FAM184A: variants seen among roughly 807,000 people sequenced by gnomAD.
FAM184A encodes protein FAM184A.
A neutral mutation model predicts 143.8 loss-of-function variants in FAM184A; 99 were observed. That is an observed-to-expected ratio of 0.69 (90% CI 0.58 to 0.81). The LOEUF (loss-of-function observed/expected upper bound fraction) is 0.81. Among genes scored for constraint, FAM184A ranks in the 40% least tolerant of loss-of-function variants. The pLI, the probability that FAM184A is intolerant of heterozygous loss-of-function variation, is 0.00. For synonymous variants in FAM184A, 427 were observed against 446.4 expected (o/e 0.96, Z 0.55); for missense variants, 1,217 against 1,310.5 (o/e 0.93, Z 1.10).
chr6:119,027,330 C>CT (rs1231332516), intron 1 of FAM184A, among the ~76,000 whole-genome samples: 7 of 152,202 alleles, frequency 4.6e-5, no homozygotes, highest in African/African-American at 1.7e-4. Flanking sequence ...AGACCATGGT[C>CT]TTTAAGTTTG....
At chr6:118,980,482 T>C (rs1371900429) in intron 9 of FAM184A, 132 bp from the exon 10 acceptor site, 3 of 636,538 alleles carry the variant, frequency 4.7e-6, no homozygotes, top group African/African-American at 1.8e-5. Flanking sequence ...CCATTTAAAA[T>C]ATTCTAAAAT....
chr6:119,084,250 G>C (rs1788154836), intron 1 of FAM184A, among the ~76,000 whole-genome samples: 1 of 152,208 alleles, frequency 6.6e-6, no homozygotes, highest in Non-Finnish European at 1.5e-5. Context: ...TACAATTCAA[G>C]ATGAGATTTG....
At chr6:118,963,706 TTTTA>T (rs1783404962) in intron 16 of FAM184A, 1 of 152,010 alleles carries the variant, frequency 6.6e-6, no homozygotes, top group East Asian at 1.9e-4. Context: ...GAACTATCAC[TTTTA>T]TTTATTCTAC....
chr6:119,092,081 G>A (rs1788383206), intron 1 of FAM184A, among the ~76,000 whole-genome samples: 1 of 152,178 alleles, frequency 6.6e-6, no homozygotes, highest in African/African-American at 2.4e-5. Context: ...GCATGAAGAT[G>A]TGCATGTTCA....
At chr6:119,042,078 G>A (rs1786357548) in intron 1 of FAM184A, among the ~76,000 whole-genome samples, 1 of 152,080 alleles carries the variant, frequency 6.6e-6, no homozygotes, top group Non-Finnish European at 1.5e-5. Flanking sequence ...GTTAAGCCCG[G>A]AACCCAGAAC....
chr6:119,051,385 G>A (rs1035267015), intron 1 of FAM184A, among the ~76,000 whole-genome samples: 1 of 152,166 alleles, frequency 6.6e-6, no homozygotes, highest in African/African-American at 2.4e-5. Context: ...CTAGAGGCTG[G>A]AGAGGGTAGT....
chr6:119,038,948 TTACA>T (rs2114723204), intron 1 of FAM184A, among the ~76,000 whole-genome samples: 1 of 152,176 alleles, frequency 6.6e-6, no homozygotes, highest in East Asian at 1.9e-4. Flanking sequence ...CAAAGAACAC[TTACA>T]ACTCAACAAT....
intron 1 of FAM184A, among the ~76,000 whole-genome samples, chr6:119,101,414 AG>A (rs1408602393): frequency 6.6e-6 from 1 of 152,122 alleles, no homozygotes; most frequent in Non-Finnish European, 1.5e-5. Context: ...ATCTCAAAAC[AG>A]TCCTTGAGAT....
chr6:119,004,388 A>T (rs1355589835), intron 7 of FAM184A, among the ~76,000 whole-genome samples: 1 of 152,220 alleles, frequency 6.6e-6, no homozygotes, highest in East Asian at 1.9e-4. Flanking sequence ...GGGTATACCC[A>T]GATTAATGAG....
intron 1 of FAM184A, among the ~76,000 whole-genome samples, chr6:119,126,191 G>A (rs776943284): frequency 1.8e-4 from 27 of 152,200 alleles, no homozygotes; most frequent in Non-Finnish European, 3.5e-4. Context: ...GTTGCTCTCA[G>A]CTTCTGTGGG....
rs1022342093 is a variant in FAM184A, at chr6:119,121,508, G to A, written c.-202+27570C>T. On this transcript the variant is annotated intron_variant, in intron 1 of 16. Coordinates refer to the FAM184A transcript ENST00000352896. ...GAGTTTTAGTTTGAGTGCCATTTCC[G>A]TTAATTTTAAATAGTCCCTGAAATT... 4.6e-5 allele frequency among the ~76,000 whole-genome samples: 7 copies of A among 152,112 alleles called. No homozygotes were observed. The East Asian group carries it at 9.6e-4, about 21-fold the overall frequency.
intron 1 of FAM184A, among the ~76,000 whole-genome samples, chr6:119,062,051 A>G (rs1394672456): frequency 6.6e-6 from 1 of 151,970 alleles, no homozygotes; most frequent in East Asian, 1.9e-4. Context: ...TCCAAGACAC[A>G]CTCTAGTCTT....
intron 1 of FAM184A, among the ~76,000 whole-genome samples, chr6:119,091,637 T>C (rs974817749): frequency 6.6e-6 from 1 of 152,132 alleles, no homozygotes; most frequent in African/African-American, 2.4e-5. Context: ...CAGATAATAA[T>C]CCTAGAAGCT....
chr6:118,981,223 C>G (rs543311389), intron 9 of FAM184A, among the ~76,000 whole-genome samples: 1 of 152,040 alleles, frequency 6.6e-6, no homozygotes, highest in Non-Finnish European at 1.5e-5. Context: ...GTATTATATA[C>G]GTTCATATAT....
At chr6:118,960,700 T>G in intron 17 of FAM184A, 1 of 713,688 alleles carries the variant, frequency 1.4e-6, no homozygotes, top group South Asian at 1.5e-5. Flanking sequence ...TGATGTTATA[T>G]AGTTTATACT....
At chr6:119,065,674 C>T (rs1194642356) in intron 1 of FAM184A, among the ~76,000 whole-genome samples, 1 of 151,314 alleles carries the variant, frequency 6.6e-6, no homozygotes, top group Non-Finnish European at 1.5e-5. Context: ...CAAACTGTCA[C>T]AAAGTGCTGC....
chr6:119,027,812 TA>T (rs1785712128), intron 1 of FAM184A, among the ~76,000 whole-genome samples: 2 of 152,186 alleles, frequency 1.3e-5, no homozygotes, highest in African/African-American at 4.8e-5. Flanking sequence ...GACTAAATTT[TA>T]GCTATTACCC....
At chr6:119,148,548 C>A (rs1241369490) in intron 1 of FAM184A, among the ~76,000 whole-genome samples, 1 of 152,166 alleles carries the variant, frequency 6.6e-6, no homozygotes, top group Non-Finnish European at 1.5e-5. Context: ...CAGGGAGCCT[C>A]TCAGCTCTTT....
intron 1 of FAM184A, among the ~76,000 whole-genome samples, chr6:119,064,969 T>C (rs1306811270): frequency 1.3e-5 from 2 of 152,200 alleles, no homozygotes; most frequent in Non-Finnish European, 2.9e-5. Flanking sequence ...ATCCAAGTGC[T>C]TACTAAATGT....
Sources: allele counts gnomAD v4.1 joint callset (sites outside exome capture counted in the v4.1 genomes callset), GRCh38; gene constraint gnomAD v4.1.1; transcripts MANE v1.5; gene names NCBI Gene and HGNC (gene_info 2026-07-23, HGNC 2026-07-21).